Variants in MRTFB observed in about 807,000 individuals in gnomAD.
The protein encoded by MRTFB is myocardin related transcription factor B, also known as myocardin-related transcription factor B.
Under a neutral mutation model 104.2 loss-of-function variants are expected in MRTFB, and 29 were observed. The ratio of observed to expected loss-of-function variants is 0.28; its 90% CI spans 0.21 to 0.38. The LOEUF (loss-of-function observed/expected upper bound fraction) is 0.38. Ranked by LOEUF, MRTFB falls within the 10% of genes least tolerant of loss-of-function variation. MRTFB has a pLI of 1.00. For missense variants in MRTFB, 1,270 were observed against 1,341.6 expected, an observed-to-expected ratio of 0.95 and a Z score of 0.83; for synonymous variants, 535 against 519.5, an observed-to-expected ratio of 1.03 and a Z score of -0.41.
chr16:14,219,014 T>C lies in MRTFB; in HGVS notation c.693+16T>C. 1 of 1,578,990 alleles carries C rather than the reference T, an allele frequency of 6.3e-7. No homozygotes were observed. Among genetic ancestry groups the C allele is most frequent in the East Asian group, 2.3e-5 (1 of 44,064 alleles). ...TCCAGCGCAGGTATTATCTTTCTGG[T>C]TTTGACCCCTAAAGAAAGAAAATGC... On this transcript the variant is annotated intron_variant, in intron 8 of 16. Coordinates refer to ENST00000571589, the MANE Select transcript of MRTFB (RefSeq NM_001308142.2).
intron 2 of MRTFB, among the ~76,000 whole-genome samples, chr16:14,135,884 T>C (rs2037691747): frequency 6.6e-6 from 1 of 152,196 alleles, no homozygotes; most frequent in Admixed American, 6.5e-5. Flanking sequence ...TTCCTTTTAC[T>C]GATGAGAAAA....
In MRTFB at chr16:14,257,972, C is replaced by T. The variant is rs1275350600; in HGVS notation, c.2704-129C>T. The T allele has an allele frequency of 3.9e-6, 3 of 764,302 alleles. No homozygotes were observed. In the Admixed American group the frequency reaches 7.4e-5, roughly 19 times the overall value. 47.3% of individuals were successfully genotyped at this position (764,302 alleles called of 1,614,324 possible). On this transcript the variant is annotated intron_variant, in intron 15 of 16. Coordinates refer to ENST00000571589, the MANE Select transcript of MRTFB (RefSeq NM_001308142.2). Reference sequence around the variant, plus strand: ...TAAATGGCTTAACTTCTCAGGTGACCTCAGTGTTTTCAAAATTATCACGAT... The same window carrying T: ...TAAATGGCTTAACTTCTCAGGTGACTTCAGTGTTTTCAAAATTATCACGAT...
chr16:14,165,040 C>T (rs139964166), intron 3 of MRTFB, among the ~76,000 whole-genome samples: 2 of 151,614 alleles, frequency 1.3e-5, no homozygotes, highest in East Asian at 3.9e-4. Context: ...TTTTTCCAGG[C>T]CAAAAAGGGT....
chr16:14,039,889 C>G, the MRTFB span, among the ~76,000 whole-genome samples: 1 of 151,574 alleles, frequency 6.6e-6, no homozygotes, highest in African/African-American at 2.4e-5. Context: ...GCTGGGATTA[C>G]AGGCATGCAC....
intron 2 of MRTFB, among the ~76,000 whole-genome samples, chr16:14,131,989 A>G (rs2037464499): frequency 6.6e-6 from 1 of 152,216 alleles, no homozygotes; most frequent in South Asian, 2.1e-4. Flanking sequence ...CTCATTCCAT[A>G]GCAACATTCG....
chr16:14,111,697 CTAACCTGGAAGAGGGAGGTGCTGAA>C (rs1292306069), intron 2 of MRTFB, among the ~76,000 whole-genome samples: 1 of 152,170 alleles, frequency 6.6e-6, no homozygotes, highest in Non-Finnish European at 1.5e-5. Flanking sequence ...GAGGGGCTGA[CTAACCTGGAAGAGGGAGGTGCTGAA>C]GCCTCAGAGA....
intron 2 of MRTFB, among the ~76,000 whole-genome samples, chr16:14,082,119 C>T (rs1489214983): frequency 2.0e-5 from 3 of 152,166 alleles, no homozygotes; most frequent in African/African-American, 7.2e-5. Flanking sequence ...TTGTCCAGAC[C>T]AATGTCATGG....
rs141274860 is a variant in MRTFB, at chr16:14,192,418, T to C, written c.155-17825T>C. Reference sequence around the variant, plus strand: ...GATACGAGATATGGTTCTTATACAATAGGAATGAAAAAGTAAAAGATATCT... The same window carrying C: ...GATACGAGATATGGTTCTTATACAACAGGAATGAAAAAGTAAAAGATATCT... On this transcript the variant is annotated intron_variant, in intron 3 of 16. Coordinates refer to ENST00000571589, the MANE Select transcript of MRTFB (RefSeq NM_001308142.2). Among the ~76,000 whole-genome samples, 330 of 152,224 alleles carry C rather than the reference T, an allele frequency of 2.2e-3. 1 individual carries two copies. The highest frequency in any genetic ancestry group is 7.5e-3 in the African/African-American group (313 of 41,536).
At chr16:14,200,783 A>G in intron 3 of MRTFB, 1 of 1,467,752 alleles carries the variant, frequency 6.8e-7, no homozygotes, top group Non-Finnish European at 9.5e-7. Context: ...ACTTGCCTTC[A>G]GTGCACGCTT....
intron 1 of MRTFB, among the ~76,000 whole-genome samples, chr16:14,071,952 G>T (rs763904428): frequency 6.6e-6 from 1 of 151,964 alleles, no homozygotes; most frequent in Non-Finnish European, 1.5e-5. Context: ...CTTTTGTCTC[G>T]TTCCTAAAAG....
intron 3 of MRTFB, among the ~76,000 whole-genome samples, chr16:14,159,652 G>A (rs143884318): frequency 7.9e-5 from 12 of 152,182 alleles, no homozygotes; most frequent in South Asian, 6.2e-4. Flanking sequence ...AATCATGGCC[G>A]GGCGCGGTGG....
chr16:14,076,053 A>G (rs1242913443), intron 1 of MRTFB, among the ~76,000 whole-genome samples: 1 of 152,090 alleles, frequency 6.6e-6, no homozygotes, highest in African/African-American at 2.4e-5. Context: ...AGATGCAGAT[A>G]CAAGCAAATA....
intron 2 of MRTFB, among the ~76,000 whole-genome samples, chr16:14,139,256 A>T (rs1003226981): frequency 2.0e-5 from 3 of 152,252 alleles, no homozygotes; most frequent in African/African-American, 7.2e-5. Context: ...AAAAAGAAAT[A>T]TTCGCTCAGA....
Position 14,140,665 on chromosome 16 carries a change from C to A in MRTFB, c.59C>A (p.Ala20Asp). The change falls in exon 3 of 17, where the codon GCT (alanine) becomes GAT (aspartate). Residue 20 changes from alanine (A) to aspartate (D), a missense_variant. By Grantham distance (126) the Ala-to-Asp change is moderately radical. Transcript: ENST00000571589. The part of the protein sequence containing the change: ...EDEVGPLAHL[A>D]PSPQSEAVAH... ...GAAGTGGGACCTTTAGCCCATCTTG[C>A]TCCAAGTCCTCAGAGTGAAGCTGTG... The A allele has an allele frequency of 6.2e-7, 1 of 1,614,200 alleles. No individual in the cohort carries two copies. The highest frequency in any genetic ancestry group is 8.5e-7 in the Non-Finnish European group (1 of 1,180,030).
intron 2 of MRTFB, among the ~76,000 whole-genome samples, chr16:14,095,345 C>A (rs2035302728): frequency 6.6e-6 from 1 of 152,166 alleles, no homozygotes; most frequent in South Asian, 2.1e-4. Flanking sequence ...TCAAGATGCC[C>A]TCTGTGCTAT....
chr16:14,125,831 G>C (rs2037080996), intron 2 of MRTFB, among the ~76,000 whole-genome samples: 1 of 152,190 alleles, frequency 6.6e-6, no homozygotes, highest in African/African-American at 2.4e-5. Flanking sequence ...CTTAAGGACA[G>C]TGATGTATTT....
intron 7 of MRTFB, 145 bp downstream of exon 7, chr16:14,217,432 A>ACTG: frequency 1.5e-6 from 1 of 670,682 alleles, no homozygotes; most frequent in Non-Finnish European, 2.4e-6. Context: ...TTGTGTTACT[A>ACTG]TCATTTCATT....
At chr16:14,228,958 A>T (rs145309606) in intron 8 of MRTFB, among the ~76,000 whole-genome samples, 1 of 152,186 alleles carries the variant, frequency 6.6e-6, no homozygotes, top group African/African-American at 2.4e-5. Context: ...GGTATAGTGT[A>T]TTGCTTGGGA....
the MRTFB span, among the ~76,000 whole-genome samples, chr16:14,017,687 G>A: frequency 0.028 from 189 of 6,776 alleles, 4 homozygotes; most frequent in Non-Finnish European, 0.075. Context: ...GTGTGTGTGT[G>A]TATATATATA....
Sources: allele counts gnomAD v4.1 joint callset (sites outside exome capture counted in the v4.1 genomes callset), GRCh38; gene constraint gnomAD v4.1.1; transcripts MANE v1.5; gene names NCBI Gene and HGNC (gene_info 2026-07-23, HGNC 2026-07-21).